LMO7: variants seen among roughly 807,000 people sequenced by gnomAD.
LMO7 encodes LIM domain only protein 7.
Under a neutral mutation model 206.5 loss-of-function variants are expected in LMO7, and 120 were observed. The ratio of observed to expected loss-of-function variants is 0.58; its 90% confidence interval spans 0.50 to 0.68. LMO7 has a LOEUF of 0.68. LMO7 is among the 30% of genes least tolerant of loss of function. The probability of loss-of-function intolerance (pLI) is 0.00; values close to 1 mark genes in which losing one functional copy is unlikely to be tolerated. For synonymous variants in LMO7, 706 were observed against 681.5 expected (o/e 1.04, Z -0.56); for missense variants, 1,959 against 1,957.9 (o/e 1.00, Z -0.01).
chr13:75,819,689 G>GA (rs2057386723), intron 13 of LMO7, among the ~76,000 whole-genome samples, 154 bp downstream of exon 13: 1 of 152,092 alleles, frequency 6.6e-6, no homozygotes, highest in African/African-American at 2.4e-5. Flanking sequence ...GGTCTGCGGT[G>GA]AAAAAACAAA....
intron 6 of LMO7, among the ~76,000 whole-genome samples, chr13:75,798,262 C>T (rs921576079): frequency 1.6e-4 from 24 of 152,166 alleles, no homozygotes; most frequent in Admixed American, 2.0e-4. Flanking sequence ...CCCAGCTACT[C>T]GGGAGGCCGA....
chr13:75,725,482 C>A (rs1335562633), intron 2 of LMO7, among the ~76,000 whole-genome samples: 1 of 152,108 alleles, frequency 6.6e-6, no homozygotes, highest in Non-Finnish European at 1.5e-5. Flanking sequence ...GTTACTAGTT[C>A]TTCTATGCAT....
chr13:75,770,140 C>A (rs1008739437), intron 4 of LMO7, among the ~76,000 whole-genome samples: 7 of 150,978 alleles, frequency 4.6e-5, no homozygotes, highest in Non-Finnish European at 8.8e-5. Context: ...CATGCCAGAT[C>A]CTGAAGGTAC....
At chr13:75,835,366 C>G (rs972955300) in intron 18 of LMO7, 27 bp downstream of exon 18, 29 of 1,483,882 alleles carry the variant, frequency 2.0e-5, no homozygotes, top group Non-Finnish European at 2.7e-5. Flanking sequence ...GTAGGAAGTA[C>G]TGGTGTGGAG....
At chr13:75,628,117 C>T (rs532654856) in intron 2 of LMO7, 33 of 152,280 alleles carry the variant, frequency 2.2e-4, no homozygotes, top group East Asian at 1.5e-3. Flanking sequence ...AGACAAAGGT[C>T]GATAAGAACT....
chr13:75,653,599 T>G (rs1217035188), intron 1 of LMO7, among the ~76,000 whole-genome samples: 1 of 152,188 alleles, frequency 6.6e-6, no homozygotes, highest in Admixed American at 6.5e-5. Context: ...TTATTATTTA[T>G]TGAGATCTGA....
intron 3 of LMO7, among the ~76,000 whole-genome samples, chr13:75,738,207 G>A (rs767293803): frequency 6.6e-5 from 10 of 152,150 alleles, no homozygotes; most frequent in Non-Finnish European, 1.2e-4. Flanking sequence ...GAGTTGTTAC[G>A]GTGTTCCACA....
intron 9 of LMO7, chr13:75,806,820 A>G (rs1054466429): frequency 3.9e-5 from 6 of 152,438 alleles, no homozygotes; most frequent in African/African-American, 1.4e-4. Flanking sequence ...GGCAAATGGA[A>G]TGAGAAAGGG....
chr13:75,770,733 A>G (rs1407741005), intron 4 of LMO7, among the ~76,000 whole-genome samples: 1 of 152,124 alleles, frequency 6.6e-6, no homozygotes, highest in Non-Finnish European at 1.5e-5. Flanking sequence ...AGTTTAGACA[A>G]ACTGGAAGAT....
intron 26 of LMO7, among the ~76,000 whole-genome samples, chr13:75,848,018 C>A (rs961516855): frequency 6.6e-6 from 1 of 152,162 alleles, no homozygotes; most frequent in African/African-American, 2.4e-5. Flanking sequence ...TTTGTTACAT[C>A]AACTCCATCT....
At chr13:75,852,923 T>G (rs1566622892) in intron 27 of LMO7, among the ~76,000 whole-genome samples, 169 bp from the exon 28 acceptor site, 1 of 152,200 alleles carries the variant, frequency 6.6e-6, no homozygotes, top group African/African-American at 2.4e-5. Context: ...TATTGAGACA[T>G]AACCCCATCA....
Position 75,819,552 on chromosome 13 carries a change from C to T in LMO7, c.2207+17C>T. The T allele has an allele frequency of 6.4e-7, 1 of 1,557,898 alleles. No homozygotes were observed. The highest frequency in any genetic ancestry group is 8.6e-7 in the Non-Finnish European group (1 of 1,158,766). The stretch of plus-strand genomic sequence containing the variant: ...GCAGGACAGGTAATAATGCTGAATG[C>T]ACCTCGGTTGTAACAGGGTTGGAGA... On this transcript the variant is annotated intron_variant, in intron 13 of 30. Transcript: ENST00000377534.
chr13:75,792,348 C>T (rs2053430845), intron 4 of LMO7, among the ~76,000 whole-genome samples: 1 of 152,076 alleles, frequency 6.6e-6, no homozygotes, highest in South Asian at 2.1e-4. Context: ...CCTACTTTGT[C>T]CAGAAGGAAA....
chr13:75,768,212 A>AC (rs2049155484), intron 4 of LMO7, among the ~76,000 whole-genome samples: 1 of 152,092 alleles, frequency 6.6e-6, no homozygotes, highest in Non-Finnish European at 1.5e-5. Context: ...CAGAGGAAAA[A>AC]ATCTGGCCTC....
chr13:75,622,808 CTTAAAG>C (rs1014374322), intron 1 of LMO7, among the ~76,000 whole-genome samples: 4 of 152,190 alleles, frequency 2.6e-5, no homozygotes, highest in African/African-American at 9.7e-5. Flanking sequence ...GAAAGCAGAT[CTTAAAG>C]TTAATAACTC....
Position 75,650,034 on chromosome 13 carries a change from A to G in LMO7, c.69+13308A>G, listed in dbSNP as rs201581183. Among the ~76,000 whole-genome samples the G allele has an allele frequency of 1.2e-4, 19 of 152,254 alleles. No homozygotes were observed. The East Asian group carries it at 3.5e-3, about 28-fold the overall frequency. ...ATGTTTTTTGTAGAGATGGGGTTTT[A>G]CCATGTTGCCCAGGCTGGTCTCAAG... On this transcript the variant is annotated intron_variant, in intron 1 of 30. Coordinates refer to ENST00000377534, the MANE Select transcript of LMO7 (RefSeq NM_001306080.2).
At chr13:75,838,404 G>GC (rs1300011737) in intron 20 of LMO7, 2 of 1,291,674 alleles carry the variant, frequency 1.5e-6, no homozygotes, top group South Asian at 1.3e-5. Context: ...GGGTCTTTGT[G>GC]TGTCCTTTGT....
chr13:75,682,917 C>G (rs2040664405), intron 1 of LMO7, among the ~76,000 whole-genome samples: 1 of 152,146 alleles, frequency 6.6e-6, no homozygotes, highest in Admixed American at 6.6e-5. Context: ...TGCTTATTTG[C>G]CATCTATGTA....
In LMO7 at chr13:75,669,990, C is replaced by G. The variant is rs544170322; in HGVS notation, c.69+33264C>G. Among the ~76,000 whole-genome samples, 3 of 152,220 alleles carry G rather than the reference C, an allele frequency of 2.0e-5. No homozygotes were observed. The South Asian group carries it at 6.2e-4, about 32-fold the overall frequency. Reference sequence around the variant, plus strand: ...CAGCTATGCCTGCTTATTCTGAGGTCCCTGGAGGGTTTGCAAGTTGCTATA... The same window carrying G: ...CAGCTATGCCTGCTTATTCTGAGGTGCCTGGAGGGTTTGCAAGTTGCTATA... On this transcript the variant is annotated intron_variant, in intron 1 of 30. Transcript: ENST00000377534.
Sources: allele counts gnomAD v4.1 joint callset (sites outside exome capture counted in the v4.1 genomes callset), GRCh38; gene constraint gnomAD v4.1.1; transcripts MANE v1.5; gene names NCBI Gene and HGNC (gene_info 2026-07-23, HGNC 2026-07-21).